Variants in STK3 observed in about 807,000 individuals in gnomAD.
STK3 encodes the protein serine/threonine-protein kinase 3.
STK3 carries 41 observed loss-of-function variants against 58.0 expected under a neutral mutation model. The observed-to-expected ratio is 0.71, with a 90% CI of 0.55 to 0.92. STK3 has a LOEUF of 0.92. Ranked by LOEUF, STK3 falls within the 40% of genes least tolerant of loss-of-function variation. The pLI, the probability that STK3 is intolerant of heterozygous loss-of-function variation, is 0.00. For missense variants in STK3, 479 were observed against 602.7 expected (o/e 0.79, Z 2.15); for synonymous variants, 170 against 191.0 (o/e 0.89, Z 0.91).
intron 3 of STK3, among the ~76,000 whole-genome samples, chr8:98,838,988 TTGTGTG>T (rs35564732): frequency 3.5e-4 from 51 of 145,068 alleles, no homozygotes; most frequent in East Asian, 2.4e-3. Flanking sequence ...TTTGTTTGTT[TTGTGTG>T]TGTGTGTGTG....
At chr8:98,541,246 G>C (rs192997418) in intron 9 of STK3, among the ~76,000 whole-genome samples, 2 of 152,134 alleles carry the variant, frequency 1.3e-5, no homozygotes, top group African/African-American at 4.8e-5. Context: ...CTGGAGGGGG[G>C]ACTGGTGGGA....
intron 10 of STK3, among the ~76,000 whole-genome samples, chr8:98,517,651 A>G (rs574576949): frequency 6.6e-6 from 1 of 152,236 alleles, no homozygotes; most frequent in Admixed American, 6.5e-5. Flanking sequence ...TTCAAGTACA[A>G]AACTATTCCA....
chr8:98,485,348 C>T (rs1186680215), intron 10 of STK3, among the ~76,000 whole-genome samples: 2 of 152,176 alleles, frequency 1.3e-5, no homozygotes, highest in African/African-American at 4.8e-5. Flanking sequence ...TACTGTTGCC[C>T]TGAAAGCCAG....
the STK3 span, among the ~76,000 whole-genome samples, chr8:98,344,892 C>CAAAAA: frequency 3.0e-4 from 14 of 47,398 alleles, no homozygotes; most frequent in Admixed American, 8.3e-4. Context: ...GACTCCGTCT[C>CAAAAA]AAAAAAAAAA....
At chr8:98,839,017 TGC>T (rs751026653) in intron 3 of STK3, among the ~76,000 whole-genome samples, 1 of 148,668 alleles carries the variant, frequency 6.7e-6, no homozygotes, top group African/African-American at 2.5e-5. Flanking sequence ...TGTGTGTGTG[TGC>T]GCTTGTGGCT....
At chr8:98,445,745 A>G (rs1056839370) in intron 1 of STK3, among the ~76,000 whole-genome samples, 2 of 152,220 alleles carry the variant, frequency 1.3e-5, no homozygotes, top group South Asian at 2.1e-4. Context: ...CTGTCTCCTC[A>G]GAAGCTGTTG....
At chr8:98,629,600 A>C (rs1819024793) in intron 6 of STK3, among the ~76,000 whole-genome samples, 1 of 152,170 alleles carries the variant, frequency 6.6e-6, no homozygotes, top group African/African-American at 2.4e-5. Flanking sequence ...CAAAGATAAA[A>C]ACTAAAGATG....
chr8:98,448,465 A>G (rs1394717056), intron 1 of STK3, among the ~76,000 whole-genome samples: 1 of 152,214 alleles, frequency 6.6e-6, no homozygotes, highest in Non-Finnish European at 1.5e-5. Flanking sequence ...CAAATGGGAA[A>G]GAAAGCTGTC....
rs925712734 is a variant in STK3 at position 98,782,921 on chromosome 8, G to A, written c.27-8102C>T. On this transcript the variant is annotated intron_variant, in intron 1 of 10. Transcript: ENST00000419617. The stretch of plus-strand genomic sequence containing the variant: ...TAAGGAAAGGAAGGAGGGAAATAAG[G>A]AGAAACATTTTCCAAATTTTATGTA... Among the ~76,000 whole-genome samples the A allele has an allele frequency of 2.0e-5, 3 of 150,636 alleles. 1 individual carries two copies. Among genetic ancestry groups the A allele is most frequent in the Admixed American group, 1.3e-4 (2 of 15,054 alleles).
At chr8:98,604,414 T>C (rs1018385134) in intron 6 of STK3, among the ~76,000 whole-genome samples, 1 of 152,174 alleles carries the variant, frequency 6.6e-6, no homozygotes, top group Non-Finnish European at 1.5e-5. Flanking sequence ...ATTGGGTGCC[T>C]ATGGGTTTTC....
chr8:98,648,319 T>C (rs368129842), intron 6 of STK3, among the ~76,000 whole-genome samples: 1 of 152,218 alleles, frequency 6.6e-6, no homozygotes, highest in Non-Finnish European at 1.5e-5. Context: ...AATGGCCGCA[T>C]GTTACAAGGC....
chr8:98,505,959 A>G (rs1224624012), intron 10 of STK3, among the ~76,000 whole-genome samples: 1 of 152,260 alleles, frequency 6.6e-6, no homozygotes, highest in Non-Finnish European at 1.5e-5. Context: ...TTAAGTCTGC[A>G]GAAGTTTCTG....
intron 10 of STK3, among the ~76,000 whole-genome samples, chr8:98,510,967 C>T (rs952517334): frequency 2.6e-5 from 4 of 151,746 alleles, no homozygotes; most frequent in South Asian, 2.1e-4. Context: ...GTTGAACAAA[C>T]GAACATTAAA....
chr8:98,766,148 T>C (rs2131438242), intron 3 of STK3, among the ~76,000 whole-genome samples: 1 of 152,230 alleles, frequency 6.6e-6, no homozygotes, highest in East Asian at 1.9e-4. Flanking sequence ...CCCTGCCTTC[T>C]TCTTTTCACA....
the STK3 span, among the ~76,000 whole-genome samples, chr8:98,348,876 C>A: frequency 6.6e-6 from 1 of 152,180 alleles, no homozygotes; most frequent in African/African-American, 2.4e-5. Flanking sequence ...CATACTCTTA[C>A]CAAACAATAC....
Position 98,597,636 on chromosome 8 carries a change from G to C in STK3, c.685-1467C>G, listed in dbSNP as rs923770715. ...TCTCACATTGCCACAAGATGAATCT[G>C]CTGTAATTAGACTAATTTAAACTAG... On this transcript the variant is annotated intron_variant, in intron 6 of 10. Coordinates refer to ENST00000419617, the MANE Select transcript of STK3 (RefSeq NM_006281.4). 20 of 985,242 alleles carry C rather than the reference G, an allele frequency of 2.0e-5. No homozygotes were observed. The African/African-American group carries it at 3.1e-4, about 15-fold the overall frequency. The allele number at this position is 985,242 out of a possible 1,614,324, so 61.0% of individuals were successfully genotyped here. A position where few individuals can be genotyped will look rare whatever the true frequency, so the allele number is the denominator to read the frequency against.
At chr8:98,838,663 A>G (rs533025659) in intron 3 of STK3, among the ~76,000 whole-genome samples, 46 of 152,246 alleles carry the variant, frequency 3.0e-4, no homozygotes, top group South Asian at 8.3e-4. Flanking sequence ...GAAAGATGAA[A>G]ATTTTTACTA....
At chr8:98,698,272 G>T (rs574760793) in intron 6 of STK3, among the ~76,000 whole-genome samples, 2 of 151,504 alleles carry the variant, frequency 1.3e-5, no homozygotes, top group Non-Finnish European at 2.9e-5. Flanking sequence ...CACGTGAGAT[G>T]GGTTTCCTGA....
chr8:98,770,111 C>T (rs1257377408), intron 2 of STK3, among the ~76,000 whole-genome samples: 2 of 152,118 alleles, frequency 1.3e-5, no homozygotes, highest in East Asian at 3.9e-4. Flanking sequence ...CAAATCCTAT[C>T]AAGCCTCCCT....
Sources: allele counts gnomAD v4.1 joint callset (sites outside exome capture counted in the v4.1 genomes callset), GRCh38; gene constraint gnomAD v4.1.1; transcripts MANE v1.5; gene names NCBI Gene and HGNC (gene_info 2026-07-23, HGNC 2026-07-21).